PCDHA11: variants seen among roughly 807,000 people sequenced by gnomAD.
PCDHA11 encodes the protein protocadherin alpha-11.
PCDHA11 carries 61 observed loss-of-function variants against 70.3 expected under a neutral mutation model. That is an observed-to-expected ratio of 0.87 (90% CI 0.71 to 1.07). The LOEUF is 1.07. Among genes scored for constraint, PCDHA11 ranks in the 50% least tolerant of loss-of-function variants. The pLI, the probability that PCDHA11 is intolerant of heterozygous loss-of-function variation, is 0.00. For missense variants in PCDHA11, 1,324 were observed against 1,237.5 expected, an observed-to-expected ratio of 1.07 and a Z score of -1.05; for synonymous variants, 633 against 555.1, an observed-to-expected ratio of 1.14 and a Z score of -1.97.
intron 1 of PCDHA11, chr5:140,929,043 C>T: frequency 6.2e-7 from 1 of 1,614,196 alleles, no homozygotes; most frequent in South Asian, 1.1e-5. Flanking sequence ...GCGCTCAGAG[C>T]TGCTGTCGCT....
chr5:140,901,917 T>C (rs776284320), intron 1 of PCDHA11, among the ~76,000 whole-genome samples: 15 of 152,090 alleles, frequency 9.9e-5, no homozygotes, highest in Admixed American at 4.6e-4. Context: ...ATCTTTCACT[T>C]CTTTGGTTAA....
intron 1 of PCDHA11, among the ~76,000 whole-genome samples, chr5:140,921,337 C>T (rs1339756681): frequency 6.6e-6 from 1 of 152,082 alleles, no homozygotes; most frequent in Non-Finnish European, 1.5e-5. Flanking sequence ...GGTCCAATCA[C>T]ATAATATATT....
chr5:140,875,556 C>T (rs781896642), intron 1 of PCDHA11: 4 of 1,614,128 alleles, frequency 2.5e-6, no homozygotes, highest in South Asian at 2.2e-5. Context: ...AGGTGGGGAG[C>T]GGCCAGCTCC....
chr5:140,948,497 C>G (rs1181465701), intron 1 of PCDHA11, among the ~76,000 whole-genome samples: 2 of 151,510 alleles, frequency 1.3e-5, no homozygotes, highest in Non-Finnish European at 3.0e-5. Context: ...CTTTCATAGA[C>G]TTTCTATTAA....
In PCDHA11 at chr5:140,927,241, A is replaced by T. The variant is rs781911240; in HGVS notation, c.2392-51708A>T. The stretch of plus-strand genomic sequence containing the variant: ...CAAGATTCGGATTCACGTCCTGGAC[A>T]CCAATGACAACTCACCTCTCTTTCC... On this transcript the variant is annotated intron_variant, in intron 1 of 3. Coordinates refer to ENST00000398640, the MANE Select transcript of PCDHA11 (RefSeq NM_018902.5). 3 of 1,613,966 alleles carry T rather than the reference A, an allele frequency of 1.9e-6. No homozygotes were observed. The Admixed American group carries it at 5.0e-5, about 27-fold the overall frequency.
chr5:140,874,321 T>C (rs1476462736), intron 1 of PCDHA11, among the ~76,000 whole-genome samples: 2 of 151,726 alleles, frequency 1.3e-5, no homozygotes, highest in Non-Finnish European at 2.9e-5. Flanking sequence ...TGTAGGATCT[T>C]ATCTGTTTTT....
chr5:140,876,764 G>A (rs1562718507), intron 1 of PCDHA11: 3 of 1,614,220 alleles, frequency 1.9e-6, no homozygotes, highest in Non-Finnish European at 2.5e-6. Context: ...CGGGATGGGG[G>A]CTCGCCTTCG....
intron 1 of PCDHA11, among the ~76,000 whole-genome samples, chr5:140,925,394 C>T (rs782536310): frequency 1.3e-5 from 2 of 151,950 alleles, no homozygotes; most frequent in East Asian, 1.9e-4. Context: ...CCTTTTGGCT[C>T]GCCTCCTTCT....
rs2097783097 is a variant in PCDHA11, at chr5:140,997,727, C to T, written c.2540-11900C>T. Reference sequence around the variant, plus strand: ...TAACAAACACCTTTCTACGTCAGTACATATAGATTTGCCACAATCTTCTTG... The same window carrying T: ...TAACAAACACCTTTCTACGTCAGTATATATAGATTTGCCACAATCTTCTTG... On this transcript the variant is annotated intron_variant, in intron 3 of 3. Coordinates refer to ENST00000398640, the MANE Select transcript of PCDHA11 (RefSeq NM_018902.5). Among the ~76,000 whole-genome samples the T allele has an allele frequency of 2.0e-5, 3 of 151,244 alleles. No individual in the cohort carries two copies. In the South Asian group the frequency reaches 6.3e-4, roughly 32 times the overall value.
At chr5:140,900,290 G>GT (rs1292990700) in intron 1 of PCDHA11, among the ~76,000 whole-genome samples, 2 of 151,548 alleles carry the variant, frequency 1.3e-5, no homozygotes, top group Non-Finnish European at 2.9e-5. Context: ...TTTCTTTTCT[G>GT]TTTTTTTAGA....
chr5:140,935,835 A>G (rs1405712064), intron 1 of PCDHA11, among the ~76,000 whole-genome samples: 3 of 151,830 alleles, frequency 2.0e-5, no homozygotes, highest in Admixed American at 6.6e-5. Flanking sequence ...CACATATTCC[A>G]TACTGCTTAA....
At chr5:140,946,210 G>C (rs140796631) in intron 1 of PCDHA11, among the ~76,000 whole-genome samples, 1 of 152,052 alleles carries the variant, frequency 6.6e-6, no homozygotes, top group African/African-American at 2.4e-5. Flanking sequence ...GCACACAAAT[G>C]ACCAACAGGT....
At chr5:140,895,116 T>C (rs2064856298) in intron 1 of PCDHA11, among the ~76,000 whole-genome samples, 1 of 152,182 alleles carries the variant, frequency 6.6e-6, no homozygotes, top group African/African-American at 2.4e-5. Flanking sequence ...AAGAAGACAT[T>C]TGTTAGTTGA....
At chr5:141,006,276 A>T (rs2098265134) in intron 3 of PCDHA11, among the ~76,000 whole-genome samples, 1 of 151,894 alleles carries the variant, frequency 6.6e-6, no homozygotes, top group Admixed American at 6.6e-5. Context: ...CAGTGGCACG[A>T]TCTCAGCTCA....
chr5:141,008,359 G>A (rs1369587129), intron 3 of PCDHA11, among the ~76,000 whole-genome samples: 1 of 152,150 alleles, frequency 6.6e-6, no homozygotes, highest in Non-Finnish European at 1.5e-5. Flanking sequence ...GTCAACCAAA[G>A]GAGCAGTGTT....
intron 1 of PCDHA11, among the ~76,000 whole-genome samples, chr5:140,914,693 G>C (rs1554196535): frequency 7.9e-5 from 12 of 151,662 alleles, no homozygotes; most frequent in Non-Finnish European, 1.8e-4. Flanking sequence ...TTCTCTGGTG[G>C]TATGATTTAA....
intron 1 of PCDHA11, chr5:140,877,431 C>A: frequency 1.2e-6 from 2 of 1,613,836 alleles, no homozygotes; most frequent in Non-Finnish European, 1.7e-6. Flanking sequence ...TGGTGAAGGA[C>A]CACGGTGAGC....
chr5:140,935,080 C>G (rs1163743447), intron 1 of PCDHA11, among the ~76,000 whole-genome samples: 2 of 152,076 alleles, frequency 1.3e-5, no homozygotes, highest in Non-Finnish European at 2.9e-5. Context: ...TGTACATTTC[C>G]TTTCCCAGAA....
chr5:140,949,529 T>C (rs2094389085), intron 1 of PCDHA11, among the ~76,000 whole-genome samples: 1 of 151,910 alleles, frequency 6.6e-6, no homozygotes, highest in South Asian at 2.1e-4. Flanking sequence ...TTTATCTTCA[T>C]AAAATATCGA....
Sources: gnomAD v4.1 joint callset for allele counts (sites outside exome capture counted in the v4.1 genomes callset) on GRCh38, gnomAD v4.1.1 for gene constraint, MANE v1.5 for transcripts, NCBI Gene and HGNC (gene_info 2026-07-23, HGNC 2026-07-21) for gene names.